The following RFX2 variants were observed in gnomAD, a reference collection of about 807,000 sequenced individuals.
The protein encoded by RFX2 is regulatory factor X2, also known as DNA-binding protein RFX2.
Under a neutral mutation model 87.8 loss-of-function variants are expected in RFX2, and 20 were observed. The ratio of observed to expected loss-of-function variants is 0.23; its 90% CI spans 0.16 to 0.33. The LOEUF (loss-of-function observed/expected upper bound fraction) is 0.33. RFX2 is among the 10% of genes least tolerant of loss of function. The pLI is 1.00. For missense variants in RFX2, 767 were observed against 1,012.3 expected (o/e 0.76, Z 3.29); for synonymous variants, 397 against 431.3 (o/e 0.92, Z 0.98).
chr19:6,005,339 TTG>T (rs2086566640), intron 12 of RFX2, among the ~76,000 whole-genome samples: 1 of 152,154 alleles, frequency 6.6e-6, no homozygotes, highest in Non-Finnish European at 1.5e-5. Flanking sequence ...GCATGCATAT[TTG>T]TGGATGGCCT....
At chr19:6,075,081 G>A (rs1034326047) in intron 1 of RFX2, among the ~76,000 whole-genome samples, 2 of 152,186 alleles carry the variant, frequency 1.3e-5, no homozygotes, top group African/African-American at 4.8e-5. Flanking sequence ...ACAGCCATCT[G>A]CATCCCAGAG....
chr19:6,060,223 C>T (rs550011135), intron 1 of RFX2, among the ~76,000 whole-genome samples: 1 of 152,332 alleles, frequency 6.6e-6, no homozygotes, highest in African/African-American at 2.4e-5. Context: ...TGTCTACATC[C>T]AGTTCCTTGC....
At chr19:6,031,385 TA>T (rs2086950969) in intron 5 of RFX2, among the ~76,000 whole-genome samples, 1 of 146,008 alleles carries the variant, frequency 6.8e-6, no homozygotes, top group Non-Finnish European at 1.5e-5. Context: ...AGGACATTCT[TA>T]AATGAAACTA....
chr19:6,075,543 G>C (rs2087680003), intron 1 of RFX2, among the ~76,000 whole-genome samples: 1 of 152,164 alleles, frequency 6.6e-6, no homozygotes, highest in South Asian at 2.1e-4. Context: ...GTTTGCTGAC[G>C]GGTTTGACAT....
At chr19:6,099,018 C>T (rs2088073157) in intron 1 of RFX2, among the ~76,000 whole-genome samples, 1 of 148,882 alleles carries the variant, frequency 6.7e-6, no homozygotes, top group Admixed American at 6.6e-5. Flanking sequence ...TACAACTTGC[C>T]CTATAACCTT....
chr19:6,082,386 A>T (rs1330513989), intron 1 of RFX2, among the ~76,000 whole-genome samples: 1 of 151,958 alleles, frequency 6.6e-6, no homozygotes, highest in East Asian at 1.9e-4. Flanking sequence ...TAATATAGTA[A>T]GAGGAGGGTC....
At chr19:6,070,954 G>A (rs1050866194) in intron 1 of RFX2, among the ~76,000 whole-genome samples, 1 of 152,228 alleles carries the variant, frequency 6.6e-6, no homozygotes, top group African/African-American at 2.4e-5. Context: ...TTGGCCTCAA[G>A]CAGTCTTCCC....
Position 6,044,097 on chromosome 19 carries a change from C to G in RFX2, c.180+96G>C. Reference sequence around the variant, plus strand: ...AACTGAAGCTTACAACAAGGAACAGCAGCCACAGAAAAGGATGCATCCTTC... The same window carrying G: ...AACTGAAGCTTACAACAAGGAACAGGAGCCACAGAAAAGGATGCATCCTTC... On this transcript the variant is annotated intron_variant, in intron 3 of 17. Coordinates refer to ENST00000303657, the MANE Select transcript of RFX2 (RefSeq NM_000635.4). The surrounding 1 kb of genome is among the most constrained non-coding windows in gnomAD (Gnocchi z 5.3). The G allele has an allele frequency of 1.7e-6, 1 of 606,002 alleles. No homozygotes were observed. Among genetic ancestry groups the G allele is most frequent in the Admixed American group, 4.4e-5 (1 of 22,902 alleles). The allele number at this position is 606,002 out of a possible 1,614,324, so 37.5% of individuals were successfully genotyped here.
chr19:6,057,990 T>C (rs954538597), intron 1 of RFX2, among the ~76,000 whole-genome samples: 4 of 152,200 alleles, frequency 2.6e-5, no homozygotes, highest in Admixed American at 1.3e-4. Context: ...GCCATCTCCT[T>C]GCCGAAAAGT....
chr19:6,033,615 CAAA>C (rs34581899), intron 5 of RFX2, among the ~76,000 whole-genome samples: 17 of 60,426 alleles, frequency 2.8e-4, no homozygotes, highest in African/African-American at 7.5e-4. Context: ...CCCACCTTTG[CAAA>C]AAAAAAAAAA....
chr19:6,063,185 C>T lies in RFX2; in HGVS notation c.-8-15681G>A, dbSNP rs2087463458. On this transcript the variant is annotated intron_variant, in intron 1 of 17. Coordinates refer to ENST00000303657, the MANE Select transcript of RFX2 (RefSeq NM_000635.4). This position sits in a 1 kb window ranked among gnomAD's most constrained non-coding sequence, Gnocchi z 4.0. ...GGGGAAAGCCGGGCTTCCTCTGATT[C>T]CGGATGGAGTGTTTAAATGAGATGT... Among the ~76,000 whole-genome samples the T allele has an allele frequency of 6.6e-6, 1 of 152,182 alleles. No homozygotes were observed. The highest frequency in any genetic ancestry group is 2.4e-5 in the African/African-American group (1 of 41,446).
intron 1 of RFX2, among the ~76,000 whole-genome samples, chr19:6,065,721 A>G (rs1269922306): frequency 1.3e-5 from 2 of 152,214 alleles, no homozygotes; most frequent in African/African-American, 4.8e-5. Context: ...AATGCCGGTA[A>G]CAAACGTGCA....
intron 1 of RFX2, among the ~76,000 whole-genome samples, chr19:6,052,997 T>A (rs1399312376): frequency 2.0e-5 from 3 of 151,990 alleles, no homozygotes; most frequent in African/African-American, 7.2e-5. Context: ...GTTAGAAAGA[T>A]TTAAGAACGT....
intron 9 of RFX2, among the ~76,000 whole-genome samples, chr19:6,009,666 C>T (rs1313696069): frequency 6.6e-6 from 1 of 152,104 alleles, no homozygotes; most frequent in Non-Finnish European, 1.5e-5. Context: ...ACTGCAGCCT[C>T]GAACTTCTGG....
At chr19:6,090,357 T>A (rs1383494395) in intron 1 of RFX2, among the ~76,000 whole-genome samples, 6 of 136,348 alleles carry the variant, frequency 4.4e-5, no homozygotes, top group Non-Finnish European at 9.1e-5. Context: ...GGTGACATAG[T>A]GAGACTCTGT....
In RFX2 at chr19:6,002,324, G is replaced by A. The variant is rs548932950; in HGVS notation, c.1651-301C>T. ...GTCACTTCTAAATGTATGTGTGTGCGTTTATTTATTTAATGGATAGACGCA... is the reference window on the plus strand; with the variant it reads ...GTCACTTCTAAATGTATGTGTGTGCATTTATTTATTTAATGGATAGACGCA... On this transcript the variant is annotated intron_variant, in intron 14 of 17. Transcript: ENST00000303657. The surrounding 1 kb of genome is among the most constrained non-coding windows in gnomAD (Gnocchi z 6.7). 3.3e-5 allele frequency among the ~76,000 whole-genome samples: 5 copies of A among 152,352 alleles called. No individual in the cohort carries two copies. Among genetic ancestry groups the A allele is most frequent in the East Asian group, 1.9e-4 (1 of 5,188 alleles).
chr19:6,040,148 G>T lies in RFX2; in HGVS notation c.354C>A (p.Thr118=). ...CCGCTGGCGGGGACGAGGCTGCCAC[G>T]GTCACCTGGGCACCGCCTGGGGCCT... ...YFEAPGGAQV[T]VAASSPPAVP... Residue 118 remains threonine, a synonymous_variant, in exon 5 of 18, where the codon ACC becomes ACA. Coordinates refer to ENST00000303657, the MANE Select transcript of RFX2 (RefSeq NM_000635.4). This position sits in a 1 kb window ranked among gnomAD's most constrained non-coding sequence, Gnocchi z 6.1. 2 of 1,607,426 alleles carry T rather than the reference G, an allele frequency of 1.2e-6. No homozygotes were observed. The highest frequency in any genetic ancestry group is 1.7e-6 in the Non-Finnish European group (2 of 1,175,792).
intron 2 of RFX2, among the ~76,000 whole-genome samples, chr19:6,046,116 T>C (rs1476631141): frequency 1.3e-5 from 2 of 152,256 alleles, no homozygotes; most frequent in Admixed American, 1.3e-4. Flanking sequence ...GCCTGTTTCA[T>C]GTGGCCGGTG....
chr19:6,064,928 C>T lies in RFX2; in HGVS notation c.-8-17424G>A, dbSNP rs537981360. On this transcript the variant is annotated intron_variant, in intron 1 of 17. Coordinates refer to ENST00000303657, the MANE Select transcript of RFX2 (RefSeq NM_000635.4). This position sits in a 1 kb window ranked among gnomAD's most constrained non-coding sequence, Gnocchi z 4.8. ...CATGGAGAGGCCCCTTTAAAAACCA[C>T]CTAACCCAGCTCTTTCATCAAACAG... is the stretch of plus-strand genomic sequence containing the variant. Among the ~76,000 whole-genome samples, 61 of 152,292 alleles carry T rather than the reference C, an allele frequency of 4.0e-4. 1 individual carries two copies. Among genetic ancestry groups the T allele is most frequent in the African/African-American group, 1.4e-3 (58 of 41,552 alleles).
Sources: allele counts gnomAD v4.1 joint callset (sites outside exome capture counted in the v4.1 genomes callset), GRCh38; gene constraint gnomAD v4.1.1; non-coding constraint Gnocchi (gnomAD v3.1); transcripts MANE v1.5; gene names NCBI Gene and HGNC (gene_info 2026-07-23, HGNC 2026-07-21).